NTM: variants seen among roughly 807,000 people sequenced by gnomAD.
The protein encoded by NTM is neurotrimin, also known as IgLON family member 2.
Under a neutral mutation model 42.1 loss-of-function variants are expected in NTM, and 13 were observed. That is an observed-to-expected ratio of 0.31 (90% CI 0.20 to 0.49). The LOEUF (loss-of-function observed/expected upper bound fraction) is 0.49. Among genes scored for constraint, NTM ranks in the 20% least tolerant of loss-of-function variants. NTM has a pLI of 0.99. For missense variants in NTM, 373 were observed against 452.8 expected (o/e 0.82, Z 1.60); for synonymous variants, 187 against 179.2 (o/e 1.04, Z -0.35).
intron 1 of NTM, among the ~76,000 whole-genome samples, chr11:131,613,725 G>C (rs915412702): frequency 6.6e-6 from 1 of 152,050 alleles, no homozygotes; most frequent in Non-Finnish European, 1.5e-5. Context: ...CAGCTCTCCC[G>C]GTTCACAGGA....
At chr11:132,127,381 G>C (rs1047738219) in intron 2 of NTM, among the ~76,000 whole-genome samples, 4 of 152,174 alleles carry the variant, frequency 2.6e-5, no homozygotes, top group Non-Finnish European at 4.4e-5. Context: ...ACCTTGCTGC[G>C]GTGAGCGCAT....
intron 1 of NTM, among the ~76,000 whole-genome samples, chr11:131,814,144 A>G (rs1377214946): frequency 6.6e-6 from 1 of 152,218 alleles, no homozygotes; most frequent in Non-Finnish European, 1.5e-5. Flanking sequence ...CTCTTCAGAA[A>G]GAATGTGCTC....
chr11:131,667,568 C>T (rs1351241731), intron 1 of NTM, among the ~76,000 whole-genome samples: 3 of 152,158 alleles, frequency 2.0e-5, no homozygotes, highest in Non-Finnish European at 4.4e-5. Flanking sequence ...GTGAGCTTCC[C>T]AGAACCTGGA....
intron 1 of NTM, among the ~76,000 whole-genome samples, chr11:131,671,990 C>T (rs999967755): frequency 1.3e-5 from 2 of 152,226 alleles, no homozygotes; most frequent in Admixed American, 6.5e-5. Flanking sequence ...GCTGCACCGC[C>T]TCTCAGCAGC....
At chr11:131,465,287 G>A (rs765796844) in intron 1 of NTM, among the ~76,000 whole-genome samples, 2 of 152,142 alleles carry the variant, frequency 1.3e-5, no homozygotes, top group Non-Finnish European at 2.9e-5. Flanking sequence ...GGGTGCCTCC[G>A]TCCTCTAGGA....
At chr11:131,624,223 C>T (rs76126263) in intron 1 of NTM, among the ~76,000 whole-genome samples, 3,267 of 152,270 alleles carry the variant, frequency 0.021, 46 homozygotes, top group Middle Eastern at 0.044. Context: ...CCCTCTGCGT[C>T]CTGCCCTTAT....
At chr11:131,667,332 C>T (rs2069245377) in intron 1 of NTM, among the ~76,000 whole-genome samples, 1 of 152,144 alleles carries the variant, frequency 6.6e-6, no homozygotes, top group Non-Finnish European at 1.5e-5. Context: ...CACTTCTGAT[C>T]CCTCTGTTAC....
At chr11:131,963,844 A>G (rs909511305) in intron 2 of NTM, among the ~76,000 whole-genome samples, 1 of 152,202 alleles carries the variant, frequency 6.6e-6, no homozygotes, top group Non-Finnish European at 1.5e-5. Flanking sequence ...TGACACTTTG[A>G]GGTAGATACT....
At chr11:131,754,608 G>C (rs1040947949) in intron 1 of NTM, among the ~76,000 whole-genome samples, 7 of 133,500 alleles carry the variant, frequency 5.2e-5, no homozygotes, top group Admixed American at 1.7e-4. Context: ...CTGGGCAACA[G>C]AGTGAGACCC....
intron 2 of NTM, among the ~76,000 whole-genome samples, chr11:131,953,731 A>C (rs1380308805): frequency 6.6e-6 from 1 of 152,190 alleles, no homozygotes; most frequent in Non-Finnish European, 1.5e-5. Flanking sequence ...TTCACTTTCT[A>C]ATGAAAAAGA....
intron 2 of NTM, among the ~76,000 whole-genome samples, chr11:132,005,266 G>A (rs993462298): frequency 6.6e-6 from 1 of 152,116 alleles, no homozygotes; most frequent in African/African-American, 2.4e-5. Context: ...GGGTTTAGAT[G>A]GTGTCAGAAA....
intron 4 of NTM, among the ~76,000 whole-genome samples, chr11:132,213,983 C>CATTT (rs2083359485): frequency 1.6e-5 from 1 of 61,528 alleles, no homozygotes; most frequent in Non-Finnish European, 4.4e-5. Flanking sequence ...ATCCGCCCGC[C>CATTT]TCGGCCTCCC....
rs539040745 is a variant in NTM at position 132,070,590 on chromosome 11, A to C, written c.168-75692A>C. 9.3e-3 allele frequency among the ~76,000 whole-genome samples: 1,086 copies of C among 117,114 alleles called. 94 individuals carry two copies. Among genetic ancestry groups the C allele is most frequent in the African/African-American group, 0.035 (1,029 of 29,686 alleles). The allele number at this position is 117,114 out of a possible 152,430, so 76.8% of individuals were successfully genotyped here. ...GTCACACAGCCAAGTTAACACGTCA[A>C]ACTGACCATCACAGGTTAGTTAACA... is the stretch of plus-strand genomic sequence containing the variant. On this transcript the variant is annotated intron_variant, in intron 2 of 8. Coordinates refer to ENST00000683400, the MANE Select transcript of NTM (RefSeq NM_001352005.2).
chr11:131,562,483 G>A (rs2056364361), intron 1 of NTM, among the ~76,000 whole-genome samples: 2 of 152,114 alleles, frequency 1.3e-5, no homozygotes, highest in South Asian at 4.2e-4. Context: ...GTGGAGGGGA[G>A]AGTTCCTGGG....
At chr11:131,596,491 C>T (rs962697291) in intron 1 of NTM, among the ~76,000 whole-genome samples, 8 of 152,228 alleles carry the variant, frequency 5.3e-5, no homozygotes, top group African/African-American at 1.2e-4. Context: ...CCATGGTCTG[C>T]AGACCCCTGA....
chr11:131,664,372 C>G (rs1332651774), intron 1 of NTM, among the ~76,000 whole-genome samples: 6 of 152,214 alleles, frequency 3.9e-5, no homozygotes, highest in Admixed American at 3.9e-4. Flanking sequence ...CATAGCCTTC[C>G]AAATTTCTGA....
At chr11:132,168,552 C>T (rs1439180828) in intron 3 of NTM, among the ~76,000 whole-genome samples, 1 of 152,220 alleles carries the variant, frequency 6.6e-6, no homozygotes, top group Admixed American at 6.5e-5. Flanking sequence ...ACTCAACCTC[C>T]TCTGGGACTG....
chr11:131,929,649 G>A (rs972374584), intron 2 of NTM, among the ~76,000 whole-genome samples: 2 of 152,108 alleles, frequency 1.3e-5, no homozygotes, highest in African/African-American at 4.8e-5. Flanking sequence ...CTGTGATACA[G>A]GACAAAGCTC....
intron 2 of NTM, among the ~76,000 whole-genome samples, chr11:131,989,691 A>G (rs1297139222): frequency 6.6e-6 from 1 of 150,590 alleles, no homozygotes; most frequent in Non-Finnish European, 1.5e-5. Context: ...AAGGTGAGTT[A>G]TATACACATG....
Sources: gnomAD v4.1 joint callset for allele counts (sites outside exome capture counted in the v4.1 genomes callset) on GRCh38, gnomAD v4.1.1 for gene constraint, MANE v1.5 for transcripts, NCBI Gene and HGNC (gene_info 2026-07-23, HGNC 2026-07-21) for gene names.